The following ZNF426 variants were observed in gnomAD, a reference collection of about 807,000 sequenced individuals.
The protein encoded by ZNF426 is zinc finger protein 426.
ZNF426 carries 23 observed loss-of-function variants against 24.0 expected under a neutral mutation model. The ratio of observed to expected loss-of-function variants is 0.96; its 90% CI spans 0.69 to 1.36. The LOEUF is 1.36. Among genes scored for constraint, ZNF426 ranks in the 40% most tolerant of loss-of-function variants. The pLI is 0.00. For missense variants in ZNF426, 646 were observed against 658.4 expected (o/e 0.98, Z 0.21); for synonymous variants, 272 against 224.6 (o/e 1.21, Z -1.89).
rs1379128696 is a variant in ZNF426 at position 9,527,664 on chromosome 19, A to T, written c.*716T>A. 5 of 152,142 alleles carry T rather than the reference A, an allele frequency of 3.3e-5. No individual in the cohort carries two copies. Among genetic ancestry groups the T allele is most frequent in the African/African-American group, 1.2e-4 (5 of 41,412 alleles). 9.4% of individuals were successfully genotyped at this position (152,142 alleles called of 1,614,324 possible). ...CATGTGAATATTAAGGCTTTTGGAC[A>T]ATCTATAAACGTTTTTGCTTATTGC... On this transcript the variant is annotated 3_prime_UTR_variant, in exon 8 of 8. Transcript: ENST00000253115.
At chr19:9,532,582 C>T (rs2073903275) in intron 6 of ZNF426, among the ~76,000 whole-genome samples, 2 of 152,048 alleles carry the variant, frequency 1.3e-5, no homozygotes, top group South Asian at 4.1e-4. Context: ...CAGGTGTGGG[C>T]CACCATGCCT....
chr19:9,533,054 A>C (rs1437423048), intron 5 of ZNF426, 129 bp from the exon 6 acceptor site: 1 of 739,164 alleles, frequency 1.4e-6, no homozygotes, highest in Non-Finnish European at 2.3e-6. Flanking sequence ...TGCAAATAAC[A>C]ACTCTGACTG....
chr19:9,536,246 A>T lies in ZNF426; in HGVS notation c.-14T>A. On this transcript the variant is annotated 5_prime_UTR_variant, in exon 3 of 8. Coordinates refer to ENST00000253115, the MANE Select transcript of ZNF426 (RefSeq NM_024106.3). Reference sequence around the variant, plus strand: ...AGCAGCTGCCATCCCGCGAGGTGAGAACGTGTCAGAACCCTCCTTTCATTG... The same window carrying T: ...AGCAGCTGCCATCCCGCGAGGTGAGTACGTGTCAGAACCCTCCTTTCATTG... 1 of 1,614,224 alleles carries T rather than the reference A, an allele frequency of 6.2e-7. No individual in the cohort carries two copies. Among genetic ancestry groups the T allele is most frequent in the Non-Finnish European group, 8.5e-7 (1 of 1,180,046 alleles).
rs2073798365 is a variant in ZNF426 at position 9,526,892 on chromosome 19, A to G, written c.*1488T>C. 1 of 152,188 alleles carries G rather than the reference A, an allele frequency of 6.6e-6. No individual in the cohort carries two copies. Among genetic ancestry groups the G allele is most frequent in the Non-Finnish European group, 1.5e-5 (1 of 68,040 alleles). The allele number at this position is 152,188 out of a possible 1,614,324, so 9.4% of individuals were successfully genotyped here. On this transcript the variant is annotated 3_prime_UTR_variant, in exon 8 of 8. Transcript: ENST00000253115. ...AGTATAAGAATTACATCCAACTTTG[A>G]GCATAGAAGGAAGAAGTGAAGGTAA...
At chr19:9,537,223 G>C (rs2073980113) in intron 2 of ZNF426, among the ~76,000 whole-genome samples, 1 of 151,976 alleles carries the variant, frequency 6.6e-6, no homozygotes, top group Non-Finnish European at 1.5e-5. Flanking sequence ...GGAGTCAAAT[G>C]ATGATAAACA....
intron 3 of ZNF426, 43 bp from the exon 4 acceptor site, chr19:9,535,322 T>G: frequency 6.9e-7 from 1 of 1,443,722 alleles, no homozygotes; most frequent in Non-Finnish European, 9.7e-7. Flanking sequence ...CTGACCATAA[T>G]CCCCACATCC....
intron 2 of ZNF426, among the ~76,000 whole-genome samples, chr19:9,537,947 C>T (rs2073993348): frequency 1.3e-5 from 2 of 152,126 alleles, no homozygotes; most frequent in African/African-American, 4.8e-5. Context: ...AGCCTTCATC[C>T]TTTCCCTCTG....
Position 9,528,999 on chromosome 19 carries a change from G to A in ZNF426, c.1046C>T (p.Ser349Leu), listed in dbSNP as rs1338101966. The change falls in exon 8 of 8, where the codon TCG becomes TTG. Residue 349 changes from serine (S) to leucine (L), a missense_variant. Transcript: ENST00000253115. The stretch of plus-strand genomic sequence containing the variant: ...AGATCGTACATGCATACTAAGGCCC[G>A]AGTACTGAGTGAAGGCTTTCCCACA... The part of the protein sequence containing the change: ...KECGKAFTQY[S>L]GLSMHVRSHS... 7 of 1,613,136 alleles carry A rather than the reference G, an allele frequency of 4.3e-6. No individual in the cohort carries two copies. The highest frequency in any genetic ancestry group is 1.1e-5 in the South Asian group (1 of 91,036).
chr19:9,537,141 AAT>A (rs1183635222), intron 2 of ZNF426, among the ~76,000 whole-genome samples: 1 of 131,326 alleles, frequency 7.6e-6, no homozygotes, highest in African/African-American at 4.5e-5. Context: ...AAAAAAAAAT[AAT>A]AATAATAATA....
intron 6 of ZNF426, among the ~76,000 whole-genome samples, chr19:9,531,386 A>T (rs552921664): frequency 2.6e-5 from 4 of 152,214 alleles, no homozygotes; most frequent in Non-Finnish European, 4.4e-5. Flanking sequence ...GAACCACAAC[A>T]AGAACAAATG....
In ZNF426 at chr19:9,526,167, C is replaced by T. The variant is rs972744561; in HGVS notation, c.*2213G>A. The T allele has an allele frequency of 1.3e-5, 2 of 151,366 alleles. No homozygotes were observed. Among genetic ancestry groups the T allele is most frequent in the Admixed American group, 1.3e-4 (2 of 15,038 alleles). The allele number at this position is 151,366 out of a possible 1,614,324, so 9.4% of individuals were successfully genotyped here. ...TAGAATGCTGCCCCTCTCCCCACAG[C>T]TTATCATGATTACTAGAGGCCTGCT... On this transcript the variant is annotated 3_prime_UTR_variant, in exon 8 of 8. Transcript: ENST00000253115.
rs1282296933 is a variant in ZNF426 at position 9,533,929 on chromosome 19, G to A, written c.155C>T (p.Thr52Ile). Residue 52 changes from threonine to isoleucine, a missense_variant, in exon 5 of 8, where the codon ACC (threonine) becomes ATC (isoleucine). Coordinates refer to ENST00000253115, the MANE Select transcript of ZNF426 (RefSeq NM_024106.3). ...VTFDDVAVDFTQEEWTLLDST... is the reference protein window; with the variant it reads ...VTFDDVAVDFIQEEWTLLDST... ...GTCCAGTAAAGTCCACTCCTCCTGG[G>A]TGAAGTCCACAGCCACATCGTCAAA... is the stretch of plus-strand genomic sequence containing the variant. The A allele has an allele frequency of 1.2e-6, 2 of 1,613,896 alleles. No individual in the cohort carries two copies. Among genetic ancestry groups the A allele is most frequent in the South Asian group, 1.1e-5 (1 of 91,080 alleles).
chr19:9,529,489 G>A lies in ZNF426; in HGVS notation c.556C>T (p.Leu186=), dbSNP rs376153674. Residue 186 remains leucine (L), a synonymous_variant, in exon 8 of 8, where the codon CTG becomes TTG. Transcript: ENST00000253115. ...TCACCAGTAGAGGTTTTCTCACACA[G>A]GGTAAGGAAATCTTTTCCATACTGA... ...CNQYGKDFLT[L]CEKTSTGEKL... 2.5e-6 allele frequency: 4 copies of A among 1,613,826 alleles called. No individual in the cohort carries two copies. Among genetic ancestry groups the A allele is most frequent in the South Asian group, 1.1e-5 (1 of 91,080 alleles).
At position 9,530,988 on chromosome 19, in the gene ZNF426, T is replaced by C. The variant is rs749299352; in HGVS notation, c.405A>G (p.Gln135=). The C allele has an allele frequency of 1.9e-5, 31 of 1,611,940 alleles. No individual in the cohort carries two copies. Among genetic ancestry groups the C allele is most frequent in the Non-Finnish European group, 2.5e-5 (30 of 1,178,128 alleles). ...FLRGQTSIGI[Q]LEGKHNGREL... is the part of the protein sequence containing the mutation. The stretch of plus-strand genomic sequence containing the variant: ...AAATATCCTATGCAAATCTTACCAA[T>C]TGTATCCCAATGGATGTCTGACCCC... The change falls in exon 7 of 8, where the codon CAA becomes CAG. Residue 135 remains glutamine (Q), a synonymous_variant. Coordinates refer to ENST00000253115, the MANE Select transcript of ZNF426 (RefSeq NM_024106.3).
rs755771997 is a variant in ZNF426, at chr19:9,524,601, G to C, written c.*3779C>G. 6.6e-6 allele frequency: 1 copy of C among 151,954 alleles called. No individual in the cohort carries two copies. Among genetic ancestry groups the C allele is most frequent in the Non-Finnish European group, 1.5e-5 (1 of 68,002 alleles). 9.4% of individuals were successfully genotyped at this position (151,954 alleles called of 1,614,324 possible). A position where few individuals can be genotyped will look rare whatever the true frequency, so the allele number is the denominator to read the frequency against. On this transcript the variant is annotated 3_prime_UTR_variant, in exon 8 of 8. Coordinates refer to ENST00000253115, the MANE Select transcript of ZNF426 (RefSeq NM_024106.3). Reference sequence around the variant, plus strand: ...GTTCGAGACCAGCCTGATCAACATGGAGAATCCCTGCCTTCACTAAAAATA... The same window carrying C: ...GTTCGAGACCAGCCTGATCAACATGCAGAATCCCTGCCTTCACTAAAAATA...
Position 9,525,837 on chromosome 19 carries a change from C to G in ZNF426, c.*2543G>C, listed in dbSNP as rs2073787004. 6.6e-6 allele frequency: 1 copy of G among 151,976 alleles called. No individual in the cohort carries two copies. The highest frequency in any genetic ancestry group is 1.5e-5 in the Non-Finnish European group (1 of 68,048). 9.4% of individuals were successfully genotyped at this position (151,976 alleles called of 1,614,324 possible). ...AGACAGTGTCTCACTGTTTCCCAGG[C>G]TGGAGTGCAGTATCACAATCTCGGC... On this transcript the variant is annotated 3_prime_UTR_variant, in exon 8 of 8. Transcript: ENST00000253115.
In ZNF426 at chr19:9,529,059, G is replaced by C. The variant is rs370943113; in HGVS notation, c.986C>G (p.Thr329Ser). ...YSNSFQIHGR[T>S]HTGEKPYVCK... ...TACATAGGGTTTCTCTCCAGTGTGA[G>C]TTCTTCCATGTATCTGAAATGAGTT... Residue 329 changes from threonine to serine, a missense_variant, in exon 8 of 8, where the codon ACT becomes AGT. Thr to Ser is a moderately conservative substitution (Grantham distance 58, BLOSUM62 1). Transcript: ENST00000253115. The C allele has an allele frequency of 1.2e-6, 2 of 1,613,500 alleles. No homozygotes were observed. Among genetic ancestry groups the C allele is most frequent in the African/African-American group, 2.7e-5 (2 of 74,904 alleles).
chr19:9,532,979 C>G, intron 5 of ZNF426, 54 bp from the exon 6 acceptor site: 1 of 1,448,398 alleles, frequency 6.9e-7, no homozygotes, highest in South Asian at 1.2e-5. Flanking sequence ...GATTACAAAC[C>G]TTTCTGTGAT....
chr19:9,533,845 G>A lies in ZNF426; in HGVS notation c.239C>T (p.Thr80Ile). ...VMLENYKNLA[T>I]VGGQIIKPSL... ...AGGGATGAGGCCAGTCTTACCTACT[G>A]TGGCCAGGTTCTTGTAGTTCTCCAG... Residue 80 changes from threonine (T) to isoleucine (I), a missense_variant, in exon 5 of 8, where the codon ACA becomes ATA. Thr to Ile is a moderately conservative substitution (Grantham distance 89). Transcript: ENST00000253115. 1 of 1,614,072 alleles carries A rather than the reference G, an allele frequency of 6.2e-7. No homozygotes were observed.
Sources: gnomAD v4.1 joint callset for allele counts (sites outside exome capture counted in the v4.1 genomes callset) on GRCh38, gnomAD v4.1.1 for gene constraint, MANE v1.5 for transcripts, NCBI Gene and HGNC (gene_info 2026-07-23, HGNC 2026-07-21) for gene names.